The following SAMSN1 variants were observed in gnomAD, a reference collection of about 807,000 sequenced individuals.
SAMSN1 encodes SAM domain-containing protein SAMSN-1.
Under a neutral mutation model 42.0 loss-of-function variants are expected in SAMSN1, and 31 were observed. The observed-to-expected ratio is 0.74, with a 90% CI of 0.55 to 1.00. SAMSN1 has a LOEUF of 1.00. SAMSN1 is among the 50% of genes least tolerant of loss of function. The probability of loss-of-function intolerance (pLI) is 0.00; values close to 1 mark genes in which losing one functional copy is unlikely to be tolerated. For synonymous variants in SAMSN1, 178 were observed against 151.9 expected (o/e 1.17, Z -1.26); for missense variants, 464 against 439.4 (o/e 1.06, Z -0.50).
intron 2 of SAMSN1, among the ~76,000 whole-genome samples, chr21:14,635,123 T>C (rs183779194): frequency 2.0e-5 from 3 of 151,696 alleles, no homozygotes; most frequent in Admixed American, 6.6e-5. Context: ...TAAGTGGGAG[T>C]TGAACAATGA....
intron 1 of SAMSN1, among the ~76,000 whole-genome samples, chr21:14,539,825 C>T (rs934343651): frequency 3.3e-5 from 5 of 152,080 alleles, no homozygotes; most frequent in East Asian, 1.9e-4. Flanking sequence ...AAAAAGAGCC[C>T]GCATCGCCAA....
intron 3 of SAMSN1, among the ~76,000 whole-genome samples, chr21:14,615,609 T>C (rs1480912278): frequency 6.6e-6 from 1 of 152,150 alleles, no homozygotes; most frequent in Non-Finnish European, 1.5e-5. Context: ...CTAAATAACC[T>C]GAAACTCTTT....
chr21:14,529,279 T>G (rs547313422), intron 1 of SAMSN1, among the ~76,000 whole-genome samples: 1 of 152,306 alleles, frequency 6.6e-6, no homozygotes, highest in African/African-American at 2.4e-5. Flanking sequence ...TGCCATTTAG[T>G]GAACGTTTTA....
In SAMSN1 at chr21:14,489,744, A is replaced by T. The variant is rs540890605; in HGVS notation, c.920-3630T>A. 5.9e-5 allele frequency among the ~76,000 whole-genome samples: 9 copies of T among 152,262 alleles called. No homozygotes were observed. The South Asian group carries it at 1.9e-3, about 32-fold the overall frequency. ...ATGAAGAGCTAATTTGCATATTAAA[A>T]TAATTTATTTCCTACCAAAATTGTT... is the stretch of plus-strand genomic sequence containing the variant. On this transcript the variant is annotated intron_variant, in intron 7 of 7. Coordinates refer to ENST00000400566, the MANE Select transcript of SAMSN1 (RefSeq NM_022136.5).
chr21:14,570,739 T>C (rs1487945939), intron 2 of SAMSN1, among the ~76,000 whole-genome samples: 1 of 152,206 alleles, frequency 6.6e-6, no homozygotes, highest in Non-Finnish European at 1.5e-5. Flanking sequence ...CATCTATTTT[T>C]CCCTTCAAAT....
chr21:14,655,983 TC>T (rs1983908936), intron 1 of SAMSN1, among the ~76,000 whole-genome samples: 2 of 151,734 alleles, frequency 1.3e-5, no homozygotes, highest in Admixed American at 1.3e-4. Context: ...CATCCAAAAT[TC>T]TTGGATGCCT....
chr21:14,658,005 T>C (rs1212906545), intron 1 of SAMSN1, among the ~76,000 whole-genome samples: 2 of 151,810 alleles, frequency 1.3e-5, no homozygotes, highest in East Asian at 3.9e-4. Context: ...CATCGACATC[T>C]TGAAAAACCA....
At chr21:14,559,716 G>A (rs2123195314) in intron 2 of SAMSN1, among the ~76,000 whole-genome samples, 1 of 151,646 alleles carries the variant, frequency 6.6e-6, no homozygotes, top group South Asian at 2.1e-4. Flanking sequence ...ATGTTGCCCA[G>A]ACTGGTCTTG....
chr21:14,489,511 G>A (rs1313925297), intron 7 of SAMSN1, among the ~76,000 whole-genome samples: 6 of 151,914 alleles, frequency 3.9e-5, no homozygotes, highest in South Asian at 2.1e-4. Flanking sequence ...TTTCAATAAA[G>A]CCCCCAAATG....
chr21:14,487,956 C>T (rs1361867517), intron 7 of SAMSN1, among the ~76,000 whole-genome samples: 1 of 151,996 alleles, frequency 6.6e-6, no homozygotes, highest in Non-Finnish European at 1.5e-5. Flanking sequence ...TTATTATTCA[C>T]TAGTCTTTCT....
chr21:14,607,551 G>A (rs757930484), intron 5 of SAMSN1, among the ~76,000 whole-genome samples: 1 of 152,132 alleles, frequency 6.6e-6, no homozygotes, highest in African/African-American at 2.4e-5. Flanking sequence ...ACATGCACAC[G>A]CACTCGCTGA....
At chr21:14,614,300 T>C (rs1982777941) in intron 3 of SAMSN1, among the ~76,000 whole-genome samples, 2 of 152,156 alleles carry the variant, frequency 1.3e-5, no homozygotes, top group South Asian at 2.1e-4. Flanking sequence ...GTTGAGGTAG[T>C]AGAATGGGTA....
exon 2 of SAMSN1, chr21:14,582,138 A>T: frequency 1.3e-6 from 2 of 1,541,898 alleles, no homozygotes; most frequent in Non-Finnish European, 1.8e-6. Flanking sequence ...AAACTTACCC[A>T]TGAATGTAGG....
chr21:14,577,284 A>ATATATATATATAT (rs1460040142), intron 2 of SAMSN1, among the ~76,000 whole-genome samples: 1 of 53,856 alleles, frequency 1.9e-5, no homozygotes, highest in Non-Finnish European at 3.4e-5. Context: ...ATATATATAT[A>ATATATATATATAT]TTTTTTTTTT....
chr21:14,498,506 A>G lies in SAMSN1; in HGVS notation c.855T>C (p.Asn285=), dbSNP rs1451326476. ...TTCTTCTGTCATCTGGGTTTTCAAT[A>G]TTTAATTCAATGAGGTGACTCTCTT... is the stretch of plus-strand genomic sequence containing the variant. ...DIKESHLIEL[N]IENPDDRRRL... The change falls in exon 7 of 8, where the codon AAT becomes AAC. Residue 285 remains asparagine, a synonymous_variant. Coordinates refer to ENST00000400566, the MANE Select transcript of SAMSN1 (RefSeq NM_022136.5). The G allele has an allele frequency of 6.2e-7, 1 of 1,610,738 alleles. No individual in the cohort carries two copies. Among genetic ancestry groups the G allele is most frequent in the Non-Finnish European group, 8.5e-7 (1 of 1,178,760 alleles).
At position 14,517,058 on chromosome 21, in the gene SAMSN1, TA is replaced by T. The variant is rs770420053; in HGVS notation, c.130-18del. 4.2e-5 allele frequency: 67 copies of T among 1,587,778 alleles called. No homozygotes were observed. Among genetic ancestry groups the T allele is most frequent in the Admixed American group, 2.0e-4 (11 of 53,990 alleles). ...TTCATGTGCCTAGTTTAGAATTGTTTACAAAAGACAAAATAATAAAGCAATA... is the reference window on the plus strand; with the variant it reads ...TTCATGTGCCTAGTTTAGAATTGTTTCAAAAGACAAAATAATAAAGCAATA... On this transcript the variant is annotated intron_variant, in intron 2 of 7. Transcript: ENST00000400566.
chr21:14,539,079 C>T (rs550453678), intron 1 of SAMSN1, among the ~76,000 whole-genome samples: 21 of 152,296 alleles, frequency 1.4e-4, no homozygotes, highest in South Asian at 1.2e-3. Flanking sequence ...TATTCTTTAA[C>T]CTGGACCAAG....
chr21:14,540,755 C>T (rs1979964385), intron 1 of SAMSN1, among the ~76,000 whole-genome samples: 1 of 152,196 alleles, frequency 6.6e-6, no homozygotes, highest in Admixed American at 6.5e-5. Flanking sequence ...ACTAGTAATT[C>T]CATTTGAGCC....
chr21:14,568,143 T>C (rs1301435485), intron 2 of SAMSN1, among the ~76,000 whole-genome samples: 5 of 152,184 alleles, frequency 3.3e-5, no homozygotes, highest in South Asian at 2.1e-4. Context: ...CTTTAGAACA[T>C]AGTATTCTAT....
Sources: gnomAD v4.1 joint callset for allele counts (sites outside exome capture counted in the v4.1 genomes callset) on GRCh38, gnomAD v4.1.1 for gene constraint, MANE v1.5 for transcripts, NCBI Gene and HGNC (gene_info 2026-07-23, HGNC 2026-07-21) for gene names.